The following RNF180 variants were observed in gnomAD, a reference collection of about 807,000 sequenced individuals.
The protein encoded by RNF180 is ring finger protein 180.
Under a neutral mutation model 59.2 loss-of-function variants are expected in RNF180, and 38 were observed. The observed-to-expected ratio is 0.64, with a 90% CI of 0.50 to 0.84. RNF180 has a LOEUF of 0.84. Among genes scored for constraint, RNF180 ranks in the 40% least tolerant of loss-of-function variants. RNF180 has a pLI of 0.00. For synonymous variants in RNF180, 262 were observed against 240.3 expected (o/e 1.09, Z -0.84); for missense variants, 705 against 700.9 (o/e 1.01, Z -0.07).
intron 5 of RNF180, among the ~76,000 whole-genome samples, chr5:64,220,772 A>G (rs1248842160): frequency 6.6e-6 from 1 of 152,074 alleles, no homozygotes; most frequent in Non-Finnish European, 1.5e-5. Context: ...GAAAAGAGGC[A>G]GTTTTTCCTT....
At chr5:64,350,992 C>A (rs1426134032) in intron 7 of RNF180, among the ~76,000 whole-genome samples, 1 of 151,910 alleles carries the variant, frequency 6.6e-6, no homozygotes, top group East Asian at 1.9e-4. Context: ...CTATAAATTA[C>A]CTTGGGCAGT....
rs563029316 is a variant in RNF180 at position 64,201,297 on chromosome 5, G to T, written c.135+355G>T. On this transcript the variant is annotated intron_variant, in intron 2 of 7. Coordinates refer to ENST00000389100, the MANE Select transcript of RNF180 (RefSeq NM_001113561.2). ...CTGCACAATTAAATTCAGAATCCTA[G>T]TAAGAATTGGAAACTTGTTATATAG... is the stretch of plus-strand genomic sequence containing the variant. 2.6e-5 allele frequency among the ~76,000 whole-genome samples: 4 copies of T among 152,216 alleles called. No homozygotes were observed. The East Asian group carries it at 7.7e-4, about 29-fold the overall frequency.
intron 5 of RNF180, among the ~76,000 whole-genome samples, chr5:64,244,003 A>C (rs1313906244): frequency 1.3e-5 from 2 of 152,278 alleles, no homozygotes; most frequent in Middle Eastern, 3.4e-3. Flanking sequence ...GAGGGGCCTG[A>C]CTGTTAGAAG....
At chr5:64,358,844 C>A (rs550729918) in intron 7 of RNF180, among the ~76,000 whole-genome samples, 1 of 146,604 alleles carries the variant, frequency 6.8e-6, no homozygotes, top group East Asian at 2.0e-4. Context: ...TCCATGTGAT[C>A]TCATTGTTCA....
At chr5:64,250,723 C>T (rs1346887249) in intron 5 of RNF180, among the ~76,000 whole-genome samples, 1 of 152,096 alleles carries the variant, frequency 6.6e-6, no homozygotes, top group African/African-American at 2.4e-5. Flanking sequence ...AAAAGTGTCC[C>T]ATCAAAGAAA....
intron 5 of RNF180, among the ~76,000 whole-genome samples, chr5:64,279,621 A>C (rs901187944): frequency 1.3e-5 from 2 of 152,298 alleles, no homozygotes; most frequent in South Asian, 2.1e-4. Flanking sequence ...ATTCTGGCTA[A>C]TGGGTGTCTT....
intron 3 of RNF180, 139 bp downstream of exon 3, chr5:64,212,299 C>G (rs576553904): frequency 1.6e-6 from 1 of 613,868 alleles, no homozygotes; most frequent in East Asian, 2.8e-5. Flanking sequence ...TCTCTTCACA[C>G]TTCTTTTCTC....
At chr5:64,168,948 TG>T (rs1011266385) in intron 1 of RNF180, among the ~76,000 whole-genome samples, 7 of 152,176 alleles carry the variant, frequency 4.6e-5, no homozygotes, top group African/African-American at 1.7e-4. Flanking sequence ...AGTTGGTTTT[TG>T]TAAGGTGGAA....
chr5:64,179,186 T>G (rs1750434111), intron 1 of RNF180, among the ~76,000 whole-genome samples: 1 of 152,194 alleles, frequency 6.6e-6, no homozygotes, highest in Admixed American at 6.5e-5. Flanking sequence ...ATATGTGGTT[T>G]GCAGATTCCT....
At chr5:64,368,856 TTGG>T (rs1416824534) in intron 7 of RNF180, among the ~76,000 whole-genome samples, 1 of 152,022 alleles carries the variant, frequency 6.6e-6, no homozygotes, top group Non-Finnish European at 1.5e-5. Flanking sequence ...TTTTACACTG[TTGG>T]TGGGACTGTA....
chr5:64,185,254 A>G (rs1313525788), intron 1 of RNF180, among the ~76,000 whole-genome samples: 1 of 152,208 alleles, frequency 6.6e-6, no homozygotes, highest in Non-Finnish European at 1.5e-5. Flanking sequence ...ATTTTTCATC[A>G]TAACAGTGTT....
chr5:64,295,004 G>A (rs1195057177), intron 5 of RNF180, among the ~76,000 whole-genome samples: 1 of 152,116 alleles, frequency 6.6e-6, no homozygotes, highest in Non-Finnish European at 1.5e-5. Flanking sequence ...CACTTGTCCT[G>A]TAACAAAAAT....
rs746227357 is a variant in RNF180, at chr5:64,212,032, T to C, written c.136-33T>C. The C allele has an allele frequency of 5.1e-6, 6 of 1,169,028 alleles. No individual in the cohort carries two copies. The Admixed American group carries it at 8.9e-5, about 17-fold the overall frequency. 72.4% of individuals were successfully genotyped at this position (1,169,028 alleles called of 1,614,324 possible). A position where few individuals can be genotyped will look rare whatever the true frequency, so the allele number is the denominator to read the frequency against. Reference sequence around the variant, plus strand: ...ACCTGTGAAATAAATTCTGAACTGGTAATTAGTAATATCATTTATTTTTAT... The same window carrying C: ...ACCTGTGAAATAAATTCTGAACTGGCAATTAGTAATATCATTTATTTTTAT... On this transcript the variant is annotated intron_variant, in intron 2 of 7. Transcript: ENST00000389100.
intron 5 of RNF180, among the ~76,000 whole-genome samples, chr5:64,313,552 A>G (rs1235362159): frequency 6.6e-6 from 1 of 152,158 alleles, no homozygotes; most frequent in Non-Finnish European, 1.5e-5. Context: ...CCAGTCTACT[A>G]TTGATGGGCA....
Position 64,325,420 on chromosome 5 carries a change from T to A in RNF180, c.1453+9T>A. Reference sequence around the variant, plus strand: ...AGTCTTTTTCCAAACAGGTAACAATTCTCTTTCATTAACATGATTGTCTGA... The same window carrying A: ...AGTCTTTTTCCAAACAGGTAACAATACTCTTTCATTAACATGATTGTCTGA... On this transcript the variant is annotated intron_variant, in intron 6 of 7. Transcript: ENST00000389100. The A allele has an allele frequency of 6.7e-7, 1 of 1,484,926 alleles. No individual in the cohort carries two copies. The highest frequency in any genetic ancestry group is 9.2e-7 in the Non-Finnish European group (1 of 1,086,080). 92.0% of individuals were successfully genotyped at this position (1,484,926 alleles called of 1,614,324 possible).
intron 5 of RNF180, among the ~76,000 whole-genome samples, chr5:64,243,632 C>A (rs1742962125): frequency 6.6e-6 from 1 of 152,196 alleles, no homozygotes. Context: ...TAGGACAGAG[C>A]AGCTGGGGGA....
intron 5 of RNF180, among the ~76,000 whole-genome samples, chr5:64,263,559 C>T (rs996262011): frequency 1.1e-4 from 16 of 152,106 alleles, no homozygotes; most frequent in South Asian, 4.1e-4. Context: ...AAGCAATTGA[C>T]GGAATGGCTT....
At chr5:64,175,994 T>C (rs973750905) in intron 1 of RNF180, among the ~76,000 whole-genome samples, 4 of 152,118 alleles carry the variant, frequency 2.6e-5, no homozygotes, top group Non-Finnish European at 5.9e-5. Flanking sequence ...GTTCTAACAG[T>C]TTTTTGGTGG....
At chr5:64,256,414 A>C (rs1250431492) in intron 5 of RNF180, among the ~76,000 whole-genome samples, 1 of 152,104 alleles carries the variant, frequency 6.6e-6, no homozygotes, top group Non-Finnish European at 1.5e-5. Flanking sequence ...TCAGCTTTCT[A>C]CATATGGCTA....
Sources: gnomAD v4.1 joint callset for allele counts (sites outside exome capture counted in the v4.1 genomes callset) on GRCh38, gnomAD v4.1.1 for gene constraint, MANE v1.5 for transcripts, NCBI Gene and HGNC (gene_info 2026-07-23, HGNC 2026-07-21) for gene names.